The following SGCZ variants were observed in gnomAD, a reference collection of about 807,000 sequenced individuals.
The protein encoded by SGCZ is sarcoglycan zeta.
SGCZ carries 40 observed loss-of-function variants against 41.3 expected under a neutral mutation model. The ratio of observed to expected loss-of-function variants is 0.97; its 90% CI spans 0.75 to 1.26. SGCZ has a LOEUF of 1.26. SGCZ is among the 50% of genes most tolerant of loss of function. The pLI, the probability that SGCZ is intolerant of heterozygous loss-of-function variation, is 0.00. For missense variants in SGCZ, 552 were observed against 369.8 expected (o/e 1.49, Z -4.04); for synonymous variants, 206 against 137.5 (o/e 1.50, Z -3.49).
chr8:14,170,341 A>G (rs1462503403), intron 4 of SGCZ, among the ~76,000 whole-genome samples: 1 of 152,150 alleles, frequency 6.6e-6, no homozygotes, highest in Non-Finnish European at 1.5e-5. Flanking sequence ...ATTTCTATTT[A>G]GACAATTTCA....
At chr8:14,127,767 T>A (rs1198327803) in intron 5 of SGCZ, among the ~76,000 whole-genome samples, 1 of 152,158 alleles carries the variant, frequency 6.6e-6, no homozygotes, top group Non-Finnish European at 1.5e-5. Flanking sequence ...GTTTTAGAAT[T>A]TTTTAACTTT....
chr8:14,639,129 C>G (rs1806935300), intron 1 of SGCZ, among the ~76,000 whole-genome samples: 1 of 149,582 alleles, frequency 6.7e-6, no homozygotes, highest in African/African-American at 2.5e-5. Flanking sequence ...TCACTGTAAC[C>G]TTGCCTCCCA....
intron 1 of SGCZ, among the ~76,000 whole-genome samples, chr8:14,976,915 T>A (rs1255327394): frequency 2.0e-5 from 3 of 152,232 alleles, no homozygotes; most frequent in South Asian, 4.1e-4. Context: ...CTTTAAAATT[T>A]GAGTGACGTA....
intron 1 of SGCZ, among the ~76,000 whole-genome samples, chr8:14,585,627 G>T (rs1267351974): frequency 2.6e-5 from 4 of 151,956 alleles, no homozygotes; most frequent in Non-Finnish European, 5.9e-5. Context: ...ATTATTTTAT[G>T]AAAAATATAT....
intron 7 of SGCZ, among the ~76,000 whole-genome samples, chr8:14,091,466 C>G (rs933185881): frequency 1.3e-5 from 2 of 151,768 alleles, no homozygotes; most frequent in Non-Finnish European, 1.5e-5. Flanking sequence ...GTGTATTTCT[C>G]CACATCCTCC....
At chr8:14,245,078 C>G (rs1563208824) in intron 3 of SGCZ, among the ~76,000 whole-genome samples, 1 of 152,200 alleles carries the variant, frequency 6.6e-6, no homozygotes, top group African/African-American at 2.4e-5. Flanking sequence ...AATTGAATAC[C>G]CTTTATTTCC....
chr8:14,193,815 A>G (rs1168898823), intron 4 of SGCZ, among the ~76,000 whole-genome samples: 1 of 151,922 alleles, frequency 6.6e-6, no homozygotes, highest in Non-Finnish European at 1.5e-5. Flanking sequence ...GCATAAAATT[A>G]TTCTGATATG....
intron 1 of SGCZ, among the ~76,000 whole-genome samples, chr8:14,771,308 T>C (rs1219473453): frequency 6.6e-6 from 1 of 152,106 alleles, no homozygotes; most frequent in African/African-American, 2.4e-5. Flanking sequence ...ATTGTTTCTT[T>C]TAAAACTCAG....
rs149172743 is a variant in SGCZ, at chr8:14,899,015, T to C, written c.39+338570A>G. ...TCCAAGATGATTCACTTTTTGAATA[T>C]TGAACTTTTTACCGTGTTAGAGTTT... On this transcript the variant is annotated intron_variant, in intron 1 of 7. Transcript: ENST00000382080. 4.2e-3 allele frequency among the ~76,000 whole-genome samples: 645 copies of C among 152,332 alleles called. 6 individuals are homozygous for C. The highest frequency in any genetic ancestry group is 0.015 in the African/African-American group (621 of 41,574).
chr8:14,529,259 A>C (rs1276633809), intron 2 of SGCZ, among the ~76,000 whole-genome samples: 1 of 152,148 alleles, frequency 6.6e-6, no homozygotes, highest in African/African-American at 2.4e-5. Context: ...CTGAAGGGCA[A>C]GTAAGACACA....
At chr8:14,517,359 T>C (rs1802653119) in intron 2 of SGCZ, among the ~76,000 whole-genome samples, 1 of 152,110 alleles carries the variant, frequency 6.6e-6, no homozygotes, top group South Asian at 2.1e-4. Flanking sequence ...CAGCAAACTT[T>C]GTAACATCTA....
At chr8:15,224,083 C>T (rs1161957343) in intron 1 of SGCZ, among the ~76,000 whole-genome samples, 2 of 152,032 alleles carry the variant, frequency 1.3e-5, no homozygotes, top group African/African-American at 2.4e-5. Flanking sequence ...CTCAAACTCC[C>T]GACCTCAAGT....
chr8:14,855,811 G>T (rs968265213), intron 1 of SGCZ, among the ~76,000 whole-genome samples: 1 of 152,102 alleles, frequency 6.6e-6, no homozygotes, highest in African/African-American at 2.4e-5. Flanking sequence ...CCTAGTGATG[G>T]TTTTTGCCAG....
At chr8:14,612,252 G>A (rs1805954029) in intron 1 of SGCZ, among the ~76,000 whole-genome samples, 1 of 101,120 alleles carries the variant, frequency 9.9e-6, no homozygotes, top group Admixed American at 8.8e-5. Context: ...ATTGGATCAT[G>A]GGGTCAGTCT....
chr8:15,224,770 G>A (rs1027559438), intron 1 of SGCZ, among the ~76,000 whole-genome samples: 1 of 152,048 alleles, frequency 6.6e-6, no homozygotes, highest in Non-Finnish European at 1.5e-5. Flanking sequence ...AAATAAAGCT[G>A]GATAATGCTA....
chr8:14,772,363 T>A lies in SGCZ; in HGVS notation c.40-217437A>T, dbSNP rs571711747. Among the ~76,000 whole-genome samples the A allele has an allele frequency of 1.2e-4, 18 of 152,194 alleles. 1 individual carries two copies. In the South Asian group the frequency reaches 3.7e-3, roughly 32 times the overall value. ...ATAAGCATTACTTTAAAAGTTTGTA[T>A]GAAATATAAATATTTTCATCCATGT... On this transcript the variant is annotated intron_variant, in intron 1 of 7. Transcript: ENST00000382080.
At chr8:14,164,949 G>T in intron 4 of SGCZ, 1 of 418,282 alleles carries the variant, frequency 2.4e-6, no homozygotes, top group Admixed American at 3.9e-5. Flanking sequence ...TGTGAGTTTA[G>T]CCAGTTAAGA....
At chr8:14,701,535 T>C (rs898592964) in intron 1 of SGCZ, among the ~76,000 whole-genome samples, 1 of 151,944 alleles carries the variant, frequency 6.6e-6, no homozygotes, top group Non-Finnish European at 1.5e-5. Flanking sequence ...CACTTTAAAT[T>C]TAATAACATA....
chr8:14,846,136 G>A (rs1803092338), intron 1 of SGCZ, among the ~76,000 whole-genome samples: 1 of 152,016 alleles, frequency 6.6e-6, no homozygotes, highest in South Asian at 2.1e-4. Context: ...AATACAGTAA[G>A]GTAGTCAGTA....
Sources: allele counts gnomAD v4.1 joint callset (sites outside exome capture counted in the v4.1 genomes callset), GRCh38; gene constraint gnomAD v4.1.1; transcripts MANE v1.5; gene names NCBI Gene and HGNC (gene_info 2026-07-23, HGNC 2026-07-21).